The following HS3ST4 variants were observed in gnomAD, a reference collection of about 807,000 sequenced individuals.
HS3ST4 encodes heparan sulfate-glucosamine 3-sulfotransferase 4.
HS3ST4 carries 17 observed loss-of-function variants against 29.2 expected under a neutral mutation model. That is an observed-to-expected ratio of 0.58 (90% CI 0.40 to 0.87). The LOEUF (loss-of-function observed/expected upper bound fraction) is 0.87. HS3ST4 is among the 40% of genes least tolerant of loss of function. HS3ST4 has a pLI of 0.00. For missense variants in HS3ST4, 627 were observed against 634.5 expected (o/e 0.99, Z 0.13); for synonymous variants, 314 against 285.7 (o/e 1.10, Z -1.00).
intron 1 of HS3ST4, among the ~76,000 whole-genome samples, chr16:25,739,715 G>GT (rs35554629): frequency 0.56 from 85,431 of 151,994 alleles, 24,432 homozygotes; most frequent in Non-Finnish European, 0.62. Flanking sequence ...GTCTCTGTCT[G>GT]TTGGGATGGT....
At chr16:26,115,971 G>T (rs192084839) in intron 1 of HS3ST4, among the ~76,000 whole-genome samples, 1 of 152,330 alleles carries the variant, frequency 6.6e-6, no homozygotes, top group East Asian at 1.9e-4. Context: ...CTCTATAGCT[G>T]CGTAACAAAC....
intron 1 of HS3ST4, among the ~76,000 whole-genome samples, chr16:25,730,696 TCTTCCTTCCTTCCGTC>T (rs1347637476): frequency 3.3e-4 from 48 of 144,608 alleles, no homozygotes; most frequent in Non-Finnish European, 5.8e-4. Flanking sequence ...CTCTCTCCCT[TCTTCCTTCCTTCCGTC>T]CTTCCTTCCT....
intron 1 of HS3ST4, among the ~76,000 whole-genome samples, chr16:26,123,105 G>C (rs1428844867): frequency 6.6e-6 from 1 of 151,386 alleles, no homozygotes; most frequent in Non-Finnish European, 1.5e-5. Flanking sequence ...TTTGTCTACA[G>C]AGCAGATGGG....
intron 1 of HS3ST4, among the ~76,000 whole-genome samples, chr16:25,976,534 C>T (rs1404346469): frequency 6.6e-6 from 1 of 151,966 alleles, no homozygotes; most frequent in East Asian, 1.9e-4. Context: ...TTCCTGCAAA[C>T]ACGTTTGTGG....
intron 1 of HS3ST4, among the ~76,000 whole-genome samples, chr16:25,717,239 G>A (rs2141587752): frequency 6.6e-6 from 1 of 152,290 alleles, no homozygotes; most frequent in South Asian, 2.1e-4. Flanking sequence ...GTGCTGGAAA[G>A]ACAAGGGTAC....
At chr16:26,121,957 T>C (rs1441478985) in intron 1 of HS3ST4, among the ~76,000 whole-genome samples, 2 of 152,128 alleles carry the variant, frequency 1.3e-5, no homozygotes, top group Non-Finnish European at 2.9e-5. Flanking sequence ...TATTTCACAA[T>C]CAGGGAAAAT....
At chr16:25,857,899 T>TTCCTTC (rs1967591462) in intron 1 of HS3ST4, among the ~76,000 whole-genome samples, 2 of 93,658 alleles carry the variant, frequency 2.1e-5, no homozygotes, top group African/African-American at 4.0e-5. Flanking sequence ...TCTTTTTCTT[T>TTCCTTC]CTTCCTTCCT....
chr16:25,899,958 C>T (rs1968106218), intron 1 of HS3ST4, among the ~76,000 whole-genome samples: 2 of 152,166 alleles, frequency 1.3e-5, no homozygotes, highest in African/African-American at 4.8e-5. Flanking sequence ...AATCATGAAG[C>T]TGCCAGGCCA....
intron 1 of HS3ST4, among the ~76,000 whole-genome samples, chr16:26,124,873 G>A (rs188409248): frequency 6.6e-6 from 1 of 152,368 alleles, no homozygotes; most frequent in African/African-American, 2.4e-5. Flanking sequence ...CCAACCTGCT[G>A]TAGAGGTGAA....
At chr16:26,042,404 G>A (rs1408818161) in intron 1 of HS3ST4, among the ~76,000 whole-genome samples, 1 of 152,074 alleles carries the variant, frequency 6.6e-6, no homozygotes, top group Non-Finnish European at 1.5e-5. Flanking sequence ...GTAAAATGGA[G>A]CGTCCATTCT....
chr16:25,888,628 C>A lies in HS3ST4; in HGVS notation c.734+195477C>A, dbSNP rs150436114. 9.2e-5 allele frequency among the ~76,000 whole-genome samples: 14 copies of A among 152,308 alleles called. No individual in the cohort carries two copies. In the East Asian group the frequency reaches 2.7e-3, roughly 29 times the overall value. ...GATCTGGCCAGCTGAGCTCACATGC[C>A]TGCCTACCCTTGGAGCTAGATTTGG... On this transcript the variant is annotated intron_variant, in intron 1 of 1. Coordinates refer to ENST00000331351, the MANE Select transcript of HS3ST4 (RefSeq NM_006040.3).
chr16:25,749,615 CCTT>C (rs1215142700), intron 1 of HS3ST4, among the ~76,000 whole-genome samples: 1 of 152,084 alleles, frequency 6.6e-6, no homozygotes, highest in Non-Finnish European at 1.5e-5. Context: ...CTGCCTTAGT[CCTT>C]CTATGTGAGT....
intron 1 of HS3ST4, among the ~76,000 whole-genome samples, chr16:25,857,936 C>CTTTCTT (rs1967595522): frequency 2.0e-5 from 1 of 50,466 alleles, no homozygotes; most frequent in African/African-American, 1.1e-4. Flanking sequence ...TTCTTTCTTT[C>CTTTCTT]TTTCTTTCTT....
At chr16:26,022,022 G>A (rs1241095276) in intron 1 of HS3ST4, among the ~76,000 whole-genome samples, 2 of 152,014 alleles carry the variant, frequency 1.3e-5, no homozygotes, top group Non-Finnish European at 2.9e-5. Flanking sequence ...GAGTGCAGTG[G>A]CACTTTCTTA....
intron 1 of HS3ST4, among the ~76,000 whole-genome samples, chr16:25,827,250 G>A (rs1314407335): frequency 6.6e-6 from 1 of 152,024 alleles, no homozygotes; most frequent in African/African-American, 2.4e-5. Flanking sequence ...CCTACAAACT[G>A]GCTTTCTCCT....
At position 26,121,174 on chromosome 16, in the gene HS3ST4, C is replaced by T. The variant is rs567956169; in HGVS notation, c.735-14438C>T. On this transcript the variant is annotated intron_variant, in intron 1 of 1. Transcript: ENST00000331351. ...GTTATTTCGAGAGAGGATGGCAGAG[C>T]CAGGATCCCAGGGACAGACAGCCAC... 9.8e-5 allele frequency among the ~76,000 whole-genome samples: 15 copies of T among 152,292 alleles called. No individual in the cohort carries two copies. In the South Asian group the frequency reaches 3.1e-3, roughly 32 times the overall value.
intron 1 of HS3ST4, among the ~76,000 whole-genome samples, chr16:25,751,653 G>T (rs1431568897): frequency 2.0e-5 from 3 of 152,170 alleles, no homozygotes; most frequent in Admixed American, 6.5e-5. Flanking sequence ...TGCTAAACAG[G>T]AATCATATTT....
intron 1 of HS3ST4, among the ~76,000 whole-genome samples, chr16:26,035,880 A>G (rs999345665): frequency 7.2e-5 from 11 of 152,208 alleles, no homozygotes; most frequent in Admixed American, 2.0e-4. Flanking sequence ...CTGAAAGTCA[A>G]GTCAACTCCC....
chr16:25,840,756 A>G (rs1211325307), intron 1 of HS3ST4, among the ~76,000 whole-genome samples: 2 of 152,128 alleles, frequency 1.3e-5, no homozygotes, highest in South Asian at 2.1e-4. Context: ...ACATCCTCTT[A>G]TAAGGTATTA....
Sources: allele counts gnomAD v4.1 joint callset (sites outside exome capture counted in the v4.1 genomes callset), GRCh38; gene constraint gnomAD v4.1.1; transcripts MANE v1.5; gene names NCBI Gene and HGNC (gene_info 2026-07-23, HGNC 2026-07-21).